The following VPS13B variants were observed in gnomAD, a reference collection of about 807,000 sequenced individuals.
VPS13B encodes the protein vacuolar protein sorting 13 homolog B, also known as intermembrane lipid transfer protein VPS13B.
In VPS13B, 285 loss-of-function variants were observed where a neutral mutation model predicts 426.4. That is an observed-to-expected ratio of 0.67 (90% CI 0.61 to 0.74). The LOEUF is 0.74. VPS13B is among the 30% of genes least tolerant of loss of function. The pLI is 0.00. For synonymous variants in VPS13B, 1,676 were observed against 1,676.4 expected (o/e 1.00, Z 0.01); for missense variants, 4,537 against 4,782.6 (o/e 0.95, Z 1.51).
chr8:99,280,693 A>G (rs189162265), intron 19 of VPS13B, among the ~76,000 whole-genome samples: 2 of 152,202 alleles, frequency 1.3e-5, no homozygotes, highest in African/African-American at 4.8e-5. Flanking sequence ...GAAAATATCT[A>G]CCAATATCTT....
intron 19 of VPS13B, among the ~76,000 whole-genome samples, chr8:99,284,607 G>A (rs925498529): frequency 6.6e-6 from 1 of 151,720 alleles, no homozygotes; most frequent in Non-Finnish European, 1.5e-5. Flanking sequence ...CTGTCATCCA[G>A]GAAGGAGTGC....
chr8:99,853,411 T>C (rs781150941), intron 55 of VPS13B, 40 bp from the exon 56 acceptor site: 2 of 1,603,890 alleles, frequency 1.2e-6, no homozygotes, highest in Non-Finnish European at 1.7e-6. Context: ...AAAGAAAAGG[T>C]GAGTGGGGGG....
At chr8:99,622,741 T>A (rs529155165) in intron 33 of VPS13B, among the ~76,000 whole-genome samples, 1 of 152,360 alleles carries the variant, frequency 6.6e-6, no homozygotes, top group Non-Finnish European at 1.5e-5. Context: ...ATATTAGTCA[T>A]ATACAACACC....
intron 3 of VPS13B, among the ~76,000 whole-genome samples, chr8:99,089,049 G>A (rs1340443059): frequency 1.3e-5 from 2 of 152,170 alleles, no homozygotes. Flanking sequence ...TGTTAATTTA[G>A]TATTATATTT....
intron 3 of VPS13B, among the ~76,000 whole-genome samples, chr8:99,051,914 C>T (rs1843576385): frequency 6.6e-6 from 1 of 152,172 alleles, no homozygotes; most frequent in African/African-American, 2.4e-5. Flanking sequence ...CGCCTATCAG[C>T]TTAAGGAGAT....
At chr8:99,259,154 A>C (rs1293277372) in intron 17 of VPS13B, among the ~76,000 whole-genome samples, 3 of 152,094 alleles carry the variant, frequency 2.0e-5, no homozygotes, top group Non-Finnish European at 4.4e-5. Flanking sequence ...TTTACAGATG[A>C]GAAAACTTAG....
chr8:99,198,920 C>G (rs2132749606), intron 17 of VPS13B, among the ~76,000 whole-genome samples: 1 of 151,646 alleles, frequency 6.6e-6, no homozygotes, highest in Middle Eastern at 3.4e-3. Flanking sequence ...TCAAATAGTT[C>G]TATCTAAAGA....
In VPS13B at chr8:99,693,224, C is replaced by T. The variant is rs1219915982; in HGVS notation, c.6047-6301C>T. Among the ~76,000 whole-genome samples the T allele has an allele frequency of 2.6e-5, 4 of 151,198 alleles. No individual in the cohort carries two copies. In the East Asian group the frequency reaches 5.9e-4, roughly 22 times the overall value. On this transcript the variant is annotated intron_variant, in intron 35 of 61. Transcript: ENST00000357162. ...GCCAACATCATTCTGATACCAAAGC[C>T]GGGCAGAGACACAACCAAAAAAGAG...
chr8:99,502,245 A>G (rs1821289019), intron 26 of VPS13B, among the ~76,000 whole-genome samples: 1 of 152,132 alleles, frequency 6.6e-6, no homozygotes, highest in South Asian at 2.1e-4. Context: ...TGGCCGCCCA[A>G]AGTGTTGGGA....
At chr8:99,310,999 G>A (rs1348030514) in intron 19 of VPS13B, among the ~76,000 whole-genome samples, 2 of 152,144 alleles carry the variant, frequency 1.3e-5, no homozygotes, top group Non-Finnish European at 2.9e-5. Flanking sequence ...TTGTATTTCT[G>A]TGGGATCGGT....
At chr8:99,491,768 A>C (rs188465332) in intron 25 of VPS13B, among the ~76,000 whole-genome samples, 1 of 151,982 alleles carries the variant, frequency 6.6e-6, no homozygotes, top group Non-Finnish European at 1.5e-5. Flanking sequence ...TCATCTAACC[A>C]TTTTTCAAGG....
intron 30 of VPS13B, among the ~76,000 whole-genome samples, chr8:99,548,979 T>C (rs980470827): frequency 3.3e-5 from 5 of 152,084 alleles, no homozygotes; most frequent in African/African-American, 1.2e-4. Context: ...ACCAATAAGC[T>C]AAATGGTCTA....
At chr8:99,660,059 A>G (rs975197319) in intron 34 of VPS13B, among the ~76,000 whole-genome samples, 1 of 152,230 alleles carries the variant, frequency 6.6e-6, no homozygotes, top group African/African-American at 2.4e-5. Context: ...CAGTGTTACT[A>G]TGAAATGGAT....
chr8:99,300,880 G>GTTTT (rs34461801), intron 19 of VPS13B, among the ~76,000 whole-genome samples: 1 of 123,768 alleles, frequency 8.1e-6, no homozygotes, highest in Non-Finnish European at 1.7e-5. Context: ...ATTTAATATA[G>GTTTT]TTTTTTTTTT....
chr8:99,489,232 C>T (rs527391336), intron 25 of VPS13B, among the ~76,000 whole-genome samples: 41 of 152,168 alleles, frequency 2.7e-4, no homozygotes, highest in African/African-American at 9.6e-4. Flanking sequence ...TGTGCTGTTC[C>T]ATTGGTCTGT....
At chr8:99,730,350 T>C (rs1039275736) in intron 39 of VPS13B, among the ~76,000 whole-genome samples, 5 of 152,190 alleles carry the variant, frequency 3.3e-5, no homozygotes, top group Non-Finnish European at 5.9e-5. Flanking sequence ...GTCTTGTGTA[T>C]CCAGTGGACA....
chr8:99,665,937 C>T (rs1466367521), intron 35 of VPS13B, among the ~76,000 whole-genome samples: 1 of 152,118 alleles, frequency 6.6e-6, no homozygotes, highest in Admixed American at 6.5e-5. Context: ...GATATTGATT[C>T]TTCCTACCCA....
At chr8:99,149,533 G>A (rs1167114119) in intron 14 of VPS13B, among the ~76,000 whole-genome samples, 1 of 151,768 alleles carries the variant, frequency 6.6e-6, no homozygotes, top group Non-Finnish European at 1.5e-5. Context: ...GGTCAGGCAG[G>A]TCTTGAACTC....
chr8:99,802,149 CAAAT>C (rs1432637496), intron 43 of VPS13B, among the ~76,000 whole-genome samples: 1 of 141,438 alleles, frequency 7.1e-6, no homozygotes, highest in Non-Finnish European at 1.5e-5. Context: ...AACCCAGTCT[CAAAT>C]AAAAAAAAAA....
Sources: allele counts gnomAD v4.1 joint callset (sites outside exome capture counted in the v4.1 genomes callset), GRCh38; gene constraint gnomAD v4.1.1; transcripts MANE v1.5; gene names NCBI Gene and HGNC (gene_info 2026-07-23, HGNC 2026-07-21).